Variants in MAGI2 observed in about 807,000 individuals in gnomAD.
MAGI2 encodes membrane-associated guanylate kinase, WW and PDZ domain-containing protein 2.
A neutral mutation model predicts 133.3 loss-of-function variants in MAGI2; 35 were observed. That is an observed-to-expected ratio of 0.26 (90% CI 0.20 to 0.35). MAGI2 has a LOEUF of 0.35. Among genes scored for constraint, MAGI2 ranks in the 10% least tolerant of loss-of-function variants. The pLI is 1.00. For synonymous variants in MAGI2, 729 were observed against 710.6 expected (o/e 1.03, Z -0.41); for missense variants, 1,636 against 1,863.4 (o/e 0.88, Z 2.25).
At chr7:78,372,271 C>T (rs1793995886) in intron 6 of MAGI2, among the ~76,000 whole-genome samples, 1 of 152,016 alleles carries the variant, frequency 6.6e-6, no homozygotes, top group African/African-American at 2.4e-5. Context: ...GAAGAGTACA[C>T]ATCTAGATGA....
At chr7:78,893,396 T>C (rs911654061) in intron 2 of MAGI2, among the ~76,000 whole-genome samples, 3 of 152,138 alleles carry the variant, frequency 2.0e-5, no homozygotes. Context: ...ACCCAAAGGA[T>C]TATAAATCAT....
intron 2 of MAGI2, among the ~76,000 whole-genome samples, chr7:78,707,662 T>C (rs1818789439): frequency 6.6e-6 from 1 of 152,170 alleles, no homozygotes; most frequent in African/African-American, 2.4e-5. Flanking sequence ...AACTCTACTC[T>C]GGGTGATTTG....
At chr7:78,913,628 T>G (rs1798578777) in intron 2 of MAGI2, among the ~76,000 whole-genome samples, 1 of 152,196 alleles carries the variant, frequency 6.6e-6, no homozygotes, top group African/African-American at 2.4e-5. Context: ...CTGTTTTGTC[T>G]GTCTAAAGAC....
rs187453474 is a variant in MAGI2 at position 78,884,197 on chromosome 7, G to T, written c.418+122893C>A. Among the ~76,000 whole-genome samples the T allele has an allele frequency of 9.2e-5, 14 of 152,220 alleles. No homozygotes were observed. The East Asian group carries it at 2.5e-3, about 27-fold the overall frequency. On this transcript the variant is annotated intron_variant, in intron 2 of 21. Transcript: ENST00000354212. ...AACCCCATTAAAAGTGGGTAATGAG[G>T]CTAGGCACTGTGGCTCATATCTGTA...
At chr7:79,224,221 C>T (rs1480947388) in intron 1 of MAGI2, among the ~76,000 whole-genome samples, 1 of 151,996 alleles carries the variant, frequency 6.6e-6, no homozygotes, top group Non-Finnish European at 1.5e-5. Flanking sequence ...TTAGGTTCCA[C>T]TCTGATACCT....
intron 2 of MAGI2, among the ~76,000 whole-genome samples, chr7:78,798,254 G>T (rs967210122): frequency 1.3e-5 from 2 of 152,102 alleles, no homozygotes. Flanking sequence ...AGGAGAAATT[G>T]CTCTGAAGAG....
intron 6 of MAGI2, chr7:78,485,335 A>G (rs1404758356): frequency 6.6e-6 from 1 of 152,030 alleles, no homozygotes. Flanking sequence ...TAAAACTCCA[A>G]AAGTGTACAG....
intron 21 of MAGI2, among the ~76,000 whole-genome samples, chr7:78,040,391 C>G (rs1267908611): frequency 1.3e-5 from 2 of 152,202 alleles, no homozygotes; most frequent in African/African-American, 4.8e-5. Flanking sequence ...GGCCCCTGGT[C>G]GTGCCGCAGC....
intron 20 of MAGI2, among the ~76,000 whole-genome samples, chr7:78,113,247 AG>A (rs1819535060): frequency 6.6e-6 from 1 of 152,164 alleles, no homozygotes; most frequent in South Asian, 2.1e-4. Flanking sequence ...GTGCCATGGA[AG>A]GGTTTTAAAC....
chr7:78,535,852 G>A (rs781685748), intron 3 of MAGI2, among the ~76,000 whole-genome samples: 1 of 148,826 alleles, frequency 6.7e-6, no homozygotes, highest in Non-Finnish European at 1.5e-5. Flanking sequence ...CGAGAACCTG[G>A]CTCATCTAGT....
chr7:79,140,631 T>C (rs1320861958), intron 1 of MAGI2, among the ~76,000 whole-genome samples: 1 of 152,180 alleles, frequency 6.6e-6, no homozygotes, highest in Non-Finnish European at 1.5e-5. Flanking sequence ...ACAATGATTG[T>C]AGGTTTCTTC....
At chr7:78,355,735 A>G (rs951027284) in intron 7 of MAGI2, among the ~76,000 whole-genome samples, 2 of 152,158 alleles carry the variant, frequency 1.3e-5, no homozygotes, top group Non-Finnish European at 2.9e-5. Context: ...TCTGCAACAC[A>G]CTTCAGCCAG....
At chr7:79,269,410 C>T (rs964915981) in intron 1 of MAGI2, among the ~76,000 whole-genome samples, 3 of 152,080 alleles carry the variant, frequency 2.0e-5, no homozygotes, top group Admixed American at 2.0e-4. Context: ...GACTGAAATG[C>T]CTGTCTCTTC....
intron 9 of MAGI2, among the ~76,000 whole-genome samples, chr7:78,290,149 C>T (rs1243463315): frequency 6.6e-6 from 1 of 152,110 alleles, no homozygotes; most frequent in Non-Finnish European, 1.5e-5. Flanking sequence ...AATTAAAAGA[C>T]AGACTGGCAA....
intron 7 of MAGI2, among the ~76,000 whole-genome samples, chr7:78,353,246 A>G (rs931976689): frequency 1.6e-4 from 25 of 152,254 alleles, no homozygotes; most frequent in African/African-American, 4.6e-4. Context: ...GACAAGACTA[A>G]TAAGTCCTCT....
chr7:79,106,028 G>T (rs1818422700), intron 1 of MAGI2, among the ~76,000 whole-genome samples: 1 of 152,150 alleles, frequency 6.6e-6, no homozygotes. Flanking sequence ...GCTGGAATGT[G>T]CCTGTTGAAA....
chr7:79,006,741 A>T (rs1807488811), intron 2 of MAGI2: 1 of 172,688 alleles, frequency 5.8e-6, no homozygotes, highest in South Asian at 1.9e-4. Context: ...TAATAAATTA[A>T]ATTTGCATTC....
At chr7:79,108,420 TG>T (rs1399295359) in intron 1 of MAGI2, among the ~76,000 whole-genome samples, 24 of 152,254 alleles carry the variant, frequency 1.6e-4, no homozygotes, top group African/African-American at 5.1e-4. Flanking sequence ...ATGTGTATTC[TG>T]GTTTTGATAA....
intron 6 of MAGI2, among the ~76,000 whole-genome samples, chr7:78,386,028 T>G (rs1795358033): frequency 6.6e-6 from 1 of 152,140 alleles, no homozygotes; most frequent in South Asian, 2.1e-4. Context: ...GGCAGGATAT[T>G]TATTCCAAAG....
Sources: allele counts gnomAD v4.1 joint callset (sites outside exome capture counted in the v4.1 genomes callset), GRCh38; gene constraint gnomAD v4.1.1; transcripts MANE v1.5; gene names NCBI Gene and HGNC (gene_info 2026-07-23, HGNC 2026-07-21).